The following RORA variants were observed in gnomAD, a reference collection of about 807,000 sequenced individuals.
RORA encodes nuclear receptor ROR-alpha.
RORA carries 7 observed loss-of-function variants against 69.5 expected under a neutral mutation model. That is an observed-to-expected ratio of 0.10 (90% CI 0.06 to 0.19). The LOEUF is 0.19. Ranked by LOEUF, RORA falls within the 10% of genes least tolerant of loss-of-function variation. The pLI, the probability that RORA is intolerant of heterozygous loss-of-function variation, is 1.00. For synonymous variants in RORA, 261 were observed against 240.8 expected, an observed-to-expected ratio of 1.08 and a Z score of -0.78; for missense variants, 457 against 663.0, an observed-to-expected ratio of 0.69 and a Z score of 3.41.
At chr15:61,103,265 T>C (rs1373905324) in intron 1 of RORA, among the ~76,000 whole-genome samples, 4 of 152,128 alleles carry the variant, frequency 2.6e-5, no homozygotes, top group African/African-American at 9.7e-5. Flanking sequence ...GCAGGCTGCT[T>C]TGGGGCAGGC....
At chr15:60,748,598 A>C (rs2071681410) in intron 1 of RORA, among the ~76,000 whole-genome samples, 1 of 152,176 alleles carries the variant, frequency 6.6e-6, no homozygotes, top group Non-Finnish European at 1.5e-5. Context: ...TGACCTTATG[A>C]CCAACACAGC....
At chr15:60,699,187 C>CTAGTAATCTTT (rs2070947762) in intron 1 of RORA, among the ~76,000 whole-genome samples, 1 of 152,008 alleles carries the variant, frequency 6.6e-6, no homozygotes, top group Non-Finnish European at 1.5e-5. Flanking sequence ...AATATCCAAT[C>CTAGTAATCTTT]TAGTAATCTT....
At position 60,519,127 on chromosome 15, in the gene RORA, C is replaced by T. The variant is rs920022542; in HGVS notation, c.283-4370G>A. Among the ~76,000 whole-genome samples the T allele has an allele frequency of 7.2e-5, 11 of 152,242 alleles. No homozygotes were observed. The East Asian group carries it at 1.2e-3, about 16-fold the overall frequency. Reference sequence around the variant, plus strand: ...GGGAGAAAACAGTATCTAAAAGGTTCGCAGTTTCAGGCATCCCCATGAGGC... The same window carrying T: ...GGGAGAAAACAGTATCTAAAAGGTTTGCAGTTTCAGGCATCCCCATGAGGC... On this transcript the variant is annotated intron_variant, in intron 3 of 10. Coordinates refer to ENST00000335670, the MANE Select transcript of RORA (RefSeq NM_134261.3).
chr15:60,517,020 A>G (rs2065982734), intron 3 of RORA, among the ~76,000 whole-genome samples: 1 of 150,116 alleles, frequency 6.7e-6, no homozygotes, highest in African/African-American at 2.5e-5. Flanking sequence ...TATATTTACT[A>G]TAAAAGAAGA....
chr15:60,955,363 G>T (rs980222431), intron 1 of RORA, among the ~76,000 whole-genome samples: 1 of 152,134 alleles, frequency 6.6e-6, no homozygotes, highest in African/African-American at 2.4e-5. Flanking sequence ...TGCTGGCATT[G>T]TCTCGTTTTA....
intron 1 of RORA, among the ~76,000 whole-genome samples, chr15:60,892,982 A>G (rs1298586912): frequency 2.6e-5 from 4 of 152,142 alleles, no homozygotes; most frequent in African/African-American, 9.7e-5. Flanking sequence ...CCCCTCTCCC[A>G]TTGCCCTCTG....
intron 1 of RORA, among the ~76,000 whole-genome samples, chr15:61,214,385 T>C (rs935990408): frequency 3.3e-5 from 5 of 152,240 alleles, no homozygotes; most frequent in African/African-American, 1.2e-4. Context: ...TTGCGGGGTT[T>C]AAAACTTACG....
At position 60,905,859 on chromosome 15, in the gene RORA, T is replaced by G. The variant is rs8025244; in HGVS notation, c.167-227173A>C. 9.7e-3 allele frequency among the ~76,000 whole-genome samples: 1,471 copies of G among 152,346 alleles called. 19 individuals are homozygous for G. The highest frequency in any genetic ancestry group is 0.033 in the African/African-American group (1,388 of 41,582). On this transcript the variant is annotated intron_variant, in intron 1 of 10. Coordinates refer to ENST00000335670, the MANE Select transcript of RORA (RefSeq NM_134261.3). This position sits in a 1 kb window ranked among gnomAD's most constrained non-coding sequence, Gnocchi z 4.8. ...GAAAGAAATGGTGCTGAATTCACCT[T>G]GTTCTTCCACCCTCATCATCCTTTA...
intron 1 of RORA, among the ~76,000 whole-genome samples, chr15:61,052,548 A>G (rs1488605125): frequency 1.3e-5 from 2 of 152,204 alleles, no homozygotes; most frequent in Non-Finnish European, 2.9e-5. Flanking sequence ...GATGAATGAT[A>G]TTTATCAGAT....
At chr15:61,018,267 C>T (rs1159138096) in intron 1 of RORA, among the ~76,000 whole-genome samples, 8 of 152,036 alleles carry the variant, frequency 5.3e-5, no homozygotes, top group East Asian at 1.9e-4. Context: ...TGGCAAGTAC[C>T]GGGGGCCTCT....
At chr15:60,986,712 A>G (rs1269790720) in intron 1 of RORA, among the ~76,000 whole-genome samples, 1 of 152,162 alleles carries the variant, frequency 6.6e-6, no homozygotes. Context: ...CACACATCAC[A>G]TGCTGTAGTT....
At chr15:60,691,293 T>C (rs1419753420) in intron 1 of RORA, among the ~76,000 whole-genome samples, 1 of 152,204 alleles carries the variant, frequency 6.6e-6, no homozygotes, top group East Asian at 1.9e-4. Context: ...ATCTTCACAA[T>C]AGTTCCCTCC....
intron 1 of RORA, among the ~76,000 whole-genome samples, chr15:60,808,639 T>C (rs1279193112): frequency 2.0e-5 from 3 of 151,124 alleles, no homozygotes; most frequent in African/African-American, 7.3e-5. Flanking sequence ...CATTTTACAA[T>C]TGCAAAAATA....
chr15:61,001,649 A>T lies in RORA; in HGVS notation c.166+227404T>A, dbSNP rs188436810. Among the ~76,000 whole-genome samples the T allele has an allele frequency of 2.8e-4, 42 of 152,366 alleles. 2 individuals carry two copies. The highest frequency in any genetic ancestry group is 2.6e-3 in the Admixed American group (40 of 15,308). On this transcript the variant is annotated intron_variant, in intron 1 of 10. Coordinates refer to ENST00000335670, the MANE Select transcript of RORA (RefSeq NM_134261.3). Reference sequence around the variant, plus strand: ...GCTCTGTCCTAGACACTAGGGATACAGTAGGGGAAGCCAACATGGTAACTG... The same window carrying T: ...GCTCTGTCCTAGACACTAGGGATACTGTAGGGGAAGCCAACATGGTAACTG...
At chr15:60,691,690 C>G (rs1465674648) in intron 1 of RORA, among the ~76,000 whole-genome samples, 2 of 152,094 alleles carry the variant, frequency 1.3e-5, no homozygotes, top group East Asian at 3.8e-4. Context: ...CCCCAGGACC[C>G]AAAGCAAAGG....
rs886080259 is a variant in RORA at position 61,131,900 on chromosome 15, TG to T, written c.166+97152del. Among the ~76,000 whole-genome samples, 13 of 152,228 alleles carry T rather than the reference TG, an allele frequency of 8.5e-5. No homozygotes were observed. Among genetic ancestry groups the T allele is most frequent in the African/African-American group, 2.9e-4 (12 of 41,470 alleles). On this transcript the variant is annotated intron_variant, in intron 1 of 10. Transcript: ENST00000335670. The surrounding 1 kb of genome is among the most constrained non-coding windows in gnomAD (Gnocchi z 4.2). ...CTTGGCAAATAGGAAAAACTTCACT[TG>T]GAAAAAACAGCACTGAATTGGAACT...
intron 1 of RORA, among the ~76,000 whole-genome samples, chr15:60,748,308 CG>C (rs1413156282): frequency 0.017 from 760 of 44,476 alleles, 10 homozygotes; most frequent in African/African-American, 0.041. Context: ...ATATAATTAG[CG>C]AAAAAAAAAA....
At chr15:60,612,149 A>T (rs1385458408) in intron 2 of RORA, among the ~76,000 whole-genome samples, 2 of 152,248 alleles carry the variant, frequency 1.3e-5, no homozygotes, top group Non-Finnish European at 2.9e-5. Flanking sequence ...TAAGAAACAG[A>T]CACATTGGAA....
At chr15:60,508,656 A>G (rs2065592186) in intron 5 of RORA, among the ~76,000 whole-genome samples, 1 of 152,230 alleles carries the variant, frequency 6.6e-6, no homozygotes, top group African/African-American at 2.4e-5. Flanking sequence ...ATTCAGACAC[A>G]GACCTTTATA....
Sources: gnomAD v4.1 joint callset for allele counts (sites outside exome capture counted in the v4.1 genomes callset) on GRCh38, gnomAD v4.1.1 for gene constraint, Gnocchi (gnomAD v3.1) non-coding constraint, MANE v1.5 for transcripts, NCBI Gene and HGNC (gene_info 2026-07-23, HGNC 2026-07-21) for gene names.